The following IDH3A variants were observed in gnomAD, a reference collection of about 807,000 sequenced individuals.
The protein encoded by IDH3A is isocitrate dehydrogenase [NAD] subunit alpha, mitochondrial.
IDH3A carries 23 observed loss-of-function variants against 43.3 expected under a neutral mutation model. The observed-to-expected ratio is 0.53, with a 90% CI of 0.38 to 0.75. The LOEUF (loss-of-function observed/expected upper bound fraction) is 0.75, where lower values mean the gene tolerates loss of function less well. IDH3A is among the 30% of genes least tolerant of loss of function. The pLI is 0.00. For missense variants in IDH3A, 329 were observed against 474.4 expected (o/e 0.69, Z 2.85); for synonymous variants, 154 against 163.5 (o/e 0.94, Z 0.44).
At chr15:78,153,395 CAT>C (rs2074595758) in intron 1 of IDH3A, among the ~76,000 whole-genome samples, 1 of 152,216 alleles carries the variant, frequency 6.6e-6, no homozygotes, top group African/African-American at 2.4e-5. Context: ...AGAAAGGACA[CAT>C]GTCAATTTTC....
intron 2 of IDH3A, chr15:78,157,211 G>T (rs559011665): frequency 2.8e-6 from 3 of 1,084,334 alleles, no homozygotes; most frequent in Non-Finnish European, 2.3e-6. Context: ...TGGTTTAAAA[G>T]ATTTGAATTA....
chr15:78,161,559 TG>T lies in IDH3A; in HGVS notation c.290-19del. ...GACCAGAATTCCTTCTAGTGTCATCTGGGTTTTCTTCTGTATAACAGGCCCT... is the reference window on the plus strand; with the variant it reads ...GACCAGAATTCCTTCTAGTGTCATCTGGTTTTCTTCTGTATAACAGGCCCT... On this transcript the variant is annotated intron_variant, in intron 4 of 10. Coordinates refer to ENST00000299518, the MANE Select transcript of IDH3A (RefSeq NM_005530.3). This position sits in a 1 kb window ranked among gnomAD's most constrained non-coding sequence, Gnocchi z 4.8. 1 of 1,604,356 alleles carries T rather than the reference TG, an allele frequency of 6.2e-7. No homozygotes were observed. Among genetic ancestry groups the T allele is most frequent in the Non-Finnish European group, 8.5e-7 (1 of 1,176,140 alleles).
rs1005723046 is a variant in IDH3A, at chr15:78,161,547, TCTA to T, written c.290-33_290-31del. On this transcript the variant is annotated intron_variant, in intron 4 of 10. Coordinates refer to ENST00000299518, the MANE Select transcript of IDH3A (RefSeq NM_005530.3). This position sits in a 1 kb window ranked among gnomAD's most constrained non-coding sequence, Gnocchi z 4.8. ...GGTCACACGTGAGACCAGAATTCCTTCTAGTGTCATCTGGGTTTTCTTCTGTAT... is the reference window on the plus strand; with the variant it reads ...GGTCACACGTGAGACCAGAATTCCTTGTGTCATCTGGGTTTTCTTCTGTAT... 7 of 1,587,654 alleles carry T rather than the reference TCTA, an allele frequency of 4.4e-6. No homozygotes were observed. In the Admixed American group the frequency reaches 8.4e-5, roughly 19 times the overall value.
rs776617301 is a variant in IDH3A at position 78,162,344 on chromosome 15, G to C, written c.588G>C (p.Thr196=). The change falls in exon 6 of 11, where the codon ACG becomes ACC. Residue 196 remains threonine, a synonymous_variant. Coordinates refer to ENST00000299518, the MANE Select transcript of IDH3A (RefSeq NM_005530.3). ...GGAACAACCACCGGAGCAACGTCAC[G>C]GCGGTGCACAAAGCCAACATCATGT... The part of the protein sequence containing the change: ...YARNNHRSNV[T]AVHKANIMRM... 1.9e-6 allele frequency: 3 copies of C among 1,614,122 alleles called. No individual in the cohort carries two copies. The South Asian group carries it at 3.3e-5, about 18-fold the overall frequency.
At chr15:78,158,050 T>G (rs2141945252) in intron 3 of IDH3A, among the ~76,000 whole-genome samples, 1 of 152,306 alleles carries the variant, frequency 6.6e-6, no homozygotes, top group Non-Finnish European at 1.5e-5. Flanking sequence ...TATTTGTGGA[T>G]CTTTAAGTCC....
intron 1 of IDH3A, among the ~76,000 whole-genome samples, chr15:78,152,860 G>A (rs2074590932): frequency 6.6e-6 from 1 of 152,100 alleles, no homozygotes; most frequent in South Asian, 2.1e-4. Flanking sequence ...GCTACTTGTT[G>A]GCTTGGAAAC....
chr15:78,158,258 A>C (rs1423219926), intron 3 of IDH3A, among the ~76,000 whole-genome samples: 1 of 151,788 alleles, frequency 6.6e-6, no homozygotes, highest in Admixed American at 6.6e-5. Context: ...ATACAGGTAG[A>C]TAATTTAAAA....
chr15:78,160,916 C>T (rs1455378045), intron 4 of IDH3A, among the ~76,000 whole-genome samples: 1 of 152,170 alleles, frequency 6.6e-6, no homozygotes, highest in Non-Finnish European at 1.5e-5. Flanking sequence ...GAGTCTCGCT[C>T]TGTTGCCCAG....
chr15:78,160,190 C>T lies in IDH3A; in HGVS notation c.273C>T (p.Asn91=), dbSNP rs1402641157. The change falls in exon 4 of 11, where the codon AAC becomes AAT. Residue 91 remains asparagine (N), a synonymous_variant. Coordinates refer to ENST00000299518, the MANE Select transcript of IDH3A (RefSeq NM_005530.3). The stretch of plus-strand genomic sequence containing the variant: ...AGGCTAAAGAGTCCATGGATAAGAA[C>T]AAGATGGGCTTGAAAGGTAGCACTG... The part of the protein sequence containing the change: ...PSEAKESMDK[N]KMGLKGPLKT... 1.9e-6 allele frequency: 3 copies of T among 1,599,006 alleles called. No individual in the cohort carries two copies. The highest frequency in any genetic ancestry group is 1.7e-5 in the Admixed American group (1 of 59,964).
At position 78,162,467 on chromosome 15, in the gene IDH3A, A is replaced by T. The variant is rs184287966; in HGVS notation, c.611+100A>T. On this transcript the variant is annotated intron_variant, in intron 6 of 10. Coordinates refer to ENST00000299518, the MANE Select transcript of IDH3A (RefSeq NM_005530.3). Reference sequence around the variant, plus strand: ...TCTTCAGCTTGTTCCTTGATTCCTAATATCTTTGAAAAAGAACTTTGTAAC... The same window carrying T: ...TCTTCAGCTTGTTCCTTGATTCCTATTATCTTTGAAAAAGAACTTTGTAAC... 1.2e-3 allele frequency: 1,592 copies of T among 1,308,578 alleles called. 10 individuals are homozygous for T. The highest frequency in any genetic ancestry group is 1.1e-3 in the Non-Finnish European group (1,062 of 946,176). 81.1% of individuals were successfully genotyped at this position (1,308,578 alleles called of 1,614,324 possible).
At chr15:78,160,968 G>A (rs2074676543) in intron 4 of IDH3A, among the ~76,000 whole-genome samples, 1 of 152,042 alleles carries the variant, frequency 6.6e-6, no homozygotes, top group South Asian at 2.1e-4. Context: ...TACAACCTCC[G>A]CCTTCTGGAT....
chr15:78,160,795 G>T (rs1359593215), intron 4 of IDH3A, among the ~76,000 whole-genome samples: 1 of 151,268 alleles, frequency 6.6e-6, no homozygotes, highest in Non-Finnish European at 1.5e-5. Context: ...ACTGTGCCTG[G>T]CCTACATTTT....
intron 4 of IDH3A, among the ~76,000 whole-genome samples, chr15:78,160,600 TC>T (rs1317951836): frequency 1.3e-5 from 2 of 151,860 alleles, no homozygotes; most frequent in Non-Finnish European, 2.9e-5. Context: ...CAAGCAGTCC[TC>T]CCACCTCAGC....
At chr15:78,160,245 C>A in intron 4 of IDH3A, 39 bp downstream of exon 4, 1 of 1,201,858 alleles carries the variant, frequency 8.3e-7, no homozygotes, top group Non-Finnish European at 1.2e-6. Flanking sequence ...TACAGATTTC[C>A]GCTACAGGGG....
chr15:78,155,253 T>G lies in IDH3A; in HGVS notation c.68T>G (p.Val23Gly). The G allele has an allele frequency of 6.2e-7, 1 of 1,612,980 alleles. No homozygotes were observed. Among genetic ancestry groups the G allele is most frequent in the South Asian group, 1.1e-5 (1 of 91,020 alleles). The part of the protein sequence containing the change: ...LLGAFHNPKQ[V>G]TRGFTGGVQT... ...GGGGCATTCCACAACCCAAAACAGG[T>G]GACCAGAGGTTTTACTGGTGGTGTG... Residue 23 changes from valine (V) to glycine (G), a missense_variant, in exon 2 of 11, where the codon GTG (valine) becomes GGG (glycine). Physicochemically the swap from Val to Gly is moderately radical, Grantham distance 109. This residue lies in a region of IDH3A where 212 missense variants were observed against 345.5 expected (regional missense o/e 0.61). Transcript: ENST00000299518.
At chr15:78,150,283 G>A (rs2074563206) in intron 1 of IDH3A, among the ~76,000 whole-genome samples, 1 of 152,220 alleles carries the variant, frequency 6.6e-6, no homozygotes, top group Non-Finnish European at 1.5e-5. Context: ...GGAGGTCGGT[G>A]TCAGAGCAGG....
Position 78,163,748 on chromosome 15 carries a change from T to C in IDH3A, c.747T>C (p.Leu249=), listed in dbSNP as rs748236131. ...MVQDPSQFDV[L]VMPNLYGDIL... ...AAGATCCTTCCCAATTTGATGTTCT[T>C]GTTATGCCAAATTTGTATGGAGACA... Residue 249 remains leucine (L), a synonymous_variant, in exon 8 of 11, where the codon CTT becomes CTC. Coordinates refer to ENST00000299518, the MANE Select transcript of IDH3A (RefSeq NM_005530.3). 2 of 1,613,408 alleles carry C rather than the reference T, an allele frequency of 1.2e-6. No individual in the cohort carries two copies. Among genetic ancestry groups the C allele is most frequent in the Admixed American group, 3.3e-5 (2 of 60,026 alleles).
rs1448813538 is a variant in IDH3A at position 78,158,917 on chromosome 15, C to T, written c.175-1175C>T. Among the ~76,000 whole-genome samples, 6 of 152,110 alleles carry T rather than the reference C, an allele frequency of 3.9e-5. No individual in the cohort carries two copies. In the South Asian group the frequency reaches 1.2e-3, roughly 32 times the overall value. On this transcript the variant is annotated intron_variant, in intron 3 of 10. Coordinates refer to ENST00000299518, the MANE Select transcript of IDH3A (RefSeq NM_005530.3). The stretch of plus-strand genomic sequence containing the variant: ...GCATGATCTTGGCTCACTGCAACCT[C>T]CGTCTCCCAGGTTCAAGCTATTCTT...
Position 78,159,890 on chromosome 15 carries a change from G to A in IDH3A, c.175-202G>A, listed in dbSNP as rs533711765. On this transcript the variant is annotated intron_variant, in intron 3 of 10. Transcript: ENST00000299518. ...GGCGCCTGTAATCCCAGCTACTCAG[G>A]AGGCTGAGGCATGAGAATCGCTGGA... is the stretch of plus-strand genomic sequence containing the variant. The A allele has an allele frequency of 5.9e-5, 29 of 495,668 alleles. No homozygotes were observed. The South Asian group carries it at 7.2e-4, about 12-fold the overall frequency. The allele number at this position is 495,668 out of a possible 1,614,324, so 30.7% of individuals were successfully genotyped here.
Sources: gnomAD v4.1 joint callset for allele counts (sites outside exome capture counted in the v4.1 genomes callset) on GRCh38, gnomAD v4.1.1 for gene constraint, gnomAD v4.1.1 regional missense constraint, Gnocchi (gnomAD v3.1) non-coding constraint, MANE v1.5 for transcripts, NCBI Gene and HGNC (gene_info 2026-07-23, HGNC 2026-07-21) for gene names.